FAM114A1: variants seen among roughly 807,000 people sequenced by gnomAD.
FAM114A1 encodes protein NOXP20.
In FAM114A1, 62 loss-of-function variants were observed where a neutral mutation model predicts 64.3. The ratio of observed to expected loss-of-function variants is 0.96; its 90% CI spans 0.79 to 1.19. The LOEUF (loss-of-function observed/expected upper bound fraction) is 1.19. Among genes scored for constraint, FAM114A1 ranks in the 50% most tolerant of loss-of-function variants. The probability of loss-of-function intolerance (pLI) is 0.00; values close to 1 mark genes in which losing one functional copy is unlikely to be tolerated. For missense variants in FAM114A1, 645 were observed against 676.3 expected, an observed-to-expected ratio of 0.95 and a Z score of 0.51; for synonymous variants, 254 against 251.1, an observed-to-expected ratio of 1.01 and a Z score of -0.11.
intron 2 of FAM114A1, among the ~76,000 whole-genome samples, chr4:38,869,002 C>A (rs1713752302): frequency 6.6e-6 from 1 of 152,210 alleles, no homozygotes; most frequent in South Asian, 2.1e-4. Context: ...AGGGGGCTTT[C>A]TTGAATCTGA....
At chr4:38,922,376 A>T (rs1287656187) in intron 8 of FAM114A1, among the ~76,000 whole-genome samples, 1 of 152,240 alleles carries the variant, frequency 6.6e-6, no homozygotes, top group East Asian at 1.9e-4. Flanking sequence ...AGGCATTAAA[A>T]GGTTAAATAA....
At chr4:38,905,421 A>T (rs1201149302) in intron 4 of FAM114A1, 101 bp from the exon 5 acceptor site, 39 of 795,662 alleles carry the variant, frequency 4.9e-5, no homozygotes, top group Non-Finnish European at 7.3e-5. Context: ...AAAAAGAAAG[A>T]TGTACTTCTG....
At chr4:38,905,279 A>G (rs1717876492) in intron 4 of FAM114A1, among the ~76,000 whole-genome samples, 1 of 152,056 alleles carries the variant, frequency 6.6e-6, no homozygotes, top group African/African-American at 2.4e-5. Flanking sequence ...TGCATCTGTA[A>G]TCCCAGCTGC....
In FAM114A1 at chr4:38,880,085, A is replaced by AAATAGAGTAGAATAGAGTAG. The variant is rs1381147599; in HGVS notation, c.348+1663_348+1664insGAGTAGAATAGAGTAGAATA. ...CTGTCTCAAAAAAATAAATAAAATA[A>AAATAGAGTAGAATAGAGTAG]AATAAAATAAAATAAAATAGAGTAG... On this transcript the variant is annotated intron_variant, in intron 3 of 14. Transcript: ENST00000358869. Among the ~76,000 whole-genome samples, 56 of 56,930 alleles carry AAATAGAGTAGAATAGAGTAG rather than the reference A, an allele frequency of 9.8e-4. 1 individual carries two copies. Among genetic ancestry groups the AAATAGAGTAGAATAGAGTAG allele is most frequent in the African/African-American group, 2.5e-3 (51 of 20,814 alleles). 37.3% of individuals were successfully genotyped at this position (56,930 alleles called of 152,430 possible).
chr4:38,868,771 G>A (rs552765757), intron 2 of FAM114A1, among the ~76,000 whole-genome samples: 1 of 152,158 alleles, frequency 6.6e-6, no homozygotes, highest in African/African-American at 2.4e-5. Context: ...AATGAGACAG[G>A]CTCTATCCTC....
chr4:38,890,125 G>A (rs1485186194), intron 3 of FAM114A1, among the ~76,000 whole-genome samples: 1 of 152,132 alleles, frequency 6.6e-6, no homozygotes, highest in Non-Finnish European at 1.5e-5. Flanking sequence ...AACAAGGGAG[G>A]CTGGGCATGG....
chr4:38,915,157 A>G, intron 8 of FAM114A1, 84 bp downstream of exon 8: 1 of 1,535,566 alleles, frequency 6.5e-7, no homozygotes, highest in South Asian at 1.2e-5. Context: ...CTGCCATTAA[A>G]AGATCTCATT....
intron 8 of FAM114A1, 81 bp downstream of exon 8, chr4:38,915,154 T>A: frequency 1.3e-6 from 2 of 1,537,874 alleles, no homozygotes; most frequent in Non-Finnish European, 1.8e-6. Flanking sequence ...AATCTGCCAT[T>A]AAAAGATCTC....
Position 38,922,835 on chromosome 4 carries a change from C to T in FAM114A1, c.1011C>T (p.Ser337=). ...AACTCTTAAAAAATGACCTAATTTC[C>T]ATTAAAGACATCTTTGCAGCCAAAG... is the stretch of plus-strand genomic sequence containing the variant. The part of the protein sequence containing the change: ...KLELLKNDLI[S]IKDIFAAKEL... The change falls in exon 9 of 15, where the codon TCC becomes TCT. Residue 337 remains serine, a synonymous_variant. Transcript: ENST00000358869. 1 of 1,613,372 alleles carries T rather than the reference C, an allele frequency of 6.2e-7. No individual in the cohort carries two copies. Among genetic ancestry groups the T allele is most frequent in the South Asian group, 1.1e-5 (1 of 90,868 alleles).
At chr4:38,927,670 T>G (rs1720248509) in intron 9 of FAM114A1, among the ~76,000 whole-genome samples, 1 of 152,056 alleles carries the variant, frequency 6.6e-6, no homozygotes, top group East Asian at 1.9e-4. Context: ...GTTATTTACT[T>G]ATCTGTTTTG....
At chr4:38,895,524 G>A (rs1378612513) in intron 4 of FAM114A1, among the ~76,000 whole-genome samples, 1 of 152,190 alleles carries the variant, frequency 6.6e-6, no homozygotes, top group African/African-American at 2.4e-5. Context: ...GCTGGATAGA[G>A]TAACCTAATC....
intron 3 of FAM114A1, 96 bp downstream of exon 3, chr4:38,878,522 G>A: frequency 9.9e-7 from 1 of 1,006,254 alleles, no homozygotes; most frequent in South Asian, 1.6e-5. Context: ...GGAATTGGGA[G>A]TTCAAAATGT....
chr4:38,944,811 TC>T lies in FAM114A1; in HGVS notation c.*1259del, dbSNP rs1245799352. The T allele has an allele frequency of 6.7e-6, 1 of 150,118 alleles. No homozygotes were observed. Among genetic ancestry groups the T allele is most frequent in the African/African-American group, 2.4e-5 (1 of 40,870 alleles). 9.3% of individuals were successfully genotyped at this position (150,118 alleles called of 1,614,324 possible). Reference sequence around the variant, plus strand: ...GTTGAATAGCTTCGTGCCGAAACCATCCCCCACCCCCATCCCGCTACCCCGA... The same window carrying T: ...GTTGAATAGCTTCGTGCCGAAACCATCCCCACCCCCATCCCGCTACCCCGA... On this transcript the variant is annotated 3_prime_UTR_variant, in exon 15 of 15. Transcript: ENST00000358869.
intron 9 of FAM114A1, among the ~76,000 whole-genome samples, chr4:38,928,879 A>T (rs1335074285): frequency 6.6e-6 from 1 of 152,254 alleles, no homozygotes; most frequent in Non-Finnish European, 1.5e-5. Flanking sequence ...CTTAGGCCTG[A>T]GAAAGGTCAT....
At chr4:38,926,710 C>T (rs891809614) in intron 9 of FAM114A1, among the ~76,000 whole-genome samples, 4 of 152,170 alleles carry the variant, frequency 2.6e-5, no homozygotes, top group Non-Finnish European at 5.9e-5. Context: ...ACCACGTTGG[C>T]CTCCTAAAGT....
chr4:38,936,259 A>AT (rs571402501), intron 13 of FAM114A1, among the ~76,000 whole-genome samples: 1 of 150,736 alleles, frequency 6.6e-6, no homozygotes, highest in Non-Finnish European at 1.5e-5. Context: ...CACCCGGCTA[A>AT]TTTTTTTTAT....
intron 12 of FAM114A1, among the ~76,000 whole-genome samples, chr4:38,934,399 A>G (rs191633354): frequency 2.6e-5 from 4 of 152,132 alleles, no homozygotes; most frequent in Admixed American, 2.6e-4. Context: ...CAATTTTTGG[A>G]TGGATGGGTG....
chr4:38,917,197 G>T (rs1199182855), intron 8 of FAM114A1, among the ~76,000 whole-genome samples: 2 of 128,730 alleles, frequency 1.6e-5, no homozygotes, highest in Non-Finnish European at 3.2e-5. Context: ...AAAAAGCTGG[G>T]CATGGTGGCA....
chr4:38,916,249 C>T (rs945627060), intron 8 of FAM114A1, among the ~76,000 whole-genome samples: 21 of 152,276 alleles, frequency 1.4e-4, no homozygotes, highest in Admixed American at 9.8e-4. Context: ...TATCCATGAG[C>T]CTTCAGGGAA....
Sources: allele counts gnomAD v4.1 joint callset (sites outside exome capture counted in the v4.1 genomes callset), GRCh38; gene constraint gnomAD v4.1.1; transcripts MANE v1.5; gene names NCBI Gene and HGNC (gene_info 2026-07-23, HGNC 2026-07-21).